The following NSMCE2 variants were observed in gnomAD, a reference collection of about 807,000 sequenced individuals.
NSMCE2 encodes E3 SUMO-protein ligase NSE2.
Under a neutral mutation model 23.8 loss-of-function variants are expected in NSMCE2, and 24 were observed. That is an observed-to-expected ratio of 1.01 (90% CI 0.73 to 1.42). The LOEUF is 1.42. NSMCE2 is among the 40% of genes most tolerant of loss of function. The probability of loss-of-function intolerance (pLI) is 0.00; values close to 1 mark genes in which losing one functional copy is unlikely to be tolerated. For missense variants in NSMCE2, 284 were observed against 296.5 expected (o/e 0.96, Z 0.31); for synonymous variants, 92 against 94.1 (o/e 0.98, Z 0.13).
intron 5 of NSMCE2, among the ~76,000 whole-genome samples, chr8:125,329,918 T>C (rs1401882402): frequency 1.3e-5 from 2 of 152,126 alleles, no homozygotes; most frequent in African/African-American, 4.8e-5. Context: ...GGTGATACCA[T>C]GTAGTAAGAC....
At chr8:125,334,913 A>C (rs1282690190) in intron 5 of NSMCE2, among the ~76,000 whole-genome samples, 2 of 145,556 alleles carry the variant, frequency 1.4e-5, no homozygotes, top group Non-Finnish European at 3.0e-5. Context: ...ACACCACCAC[A>C]CCCGGCTAAT....
At chr8:125,185,067 A>G (rs1227398141) in intron 5 of NSMCE2, among the ~76,000 whole-genome samples, 1 of 152,212 alleles carries the variant, frequency 6.6e-6, no homozygotes, top group Non-Finnish European at 1.5e-5. Context: ...ATATAAGAAC[A>G]TAAATACATG....
intron 3 of NSMCE2, among the ~76,000 whole-genome samples, chr8:125,102,990 G>A (rs1472320919): frequency 6.6e-6 from 1 of 152,088 alleles, no homozygotes; most frequent in Middle Eastern, 3.2e-3. Flanking sequence ...TTTGCAGGCC[G>A]GGTGCAGTGG....
intron 3 of NSMCE2, among the ~76,000 whole-genome samples, chr8:125,107,047 TGTTA>T (rs1216459674): frequency 6.6e-6 from 1 of 152,020 alleles, no homozygotes; most frequent in African/African-American, 2.4e-5. Flanking sequence ...CAACAAATGC[TGTTA>T]GTTGTTGTCT....
At chr8:125,357,445 G>A (rs1813330563) in intron 6 of NSMCE2, 126 bp downstream of exon 6, 2 of 715,562 alleles carry the variant, frequency 2.8e-6, no homozygotes, top group African/African-American at 3.6e-5. Flanking sequence ...AAAGTGCTGG[G>A]GGTTGAAGAG....
intron 5 of NSMCE2, among the ~76,000 whole-genome samples, chr8:125,269,621 A>G (rs549849329): frequency 6.6e-6 from 1 of 152,224 alleles, no homozygotes; most frequent in Non-Finnish European, 1.5e-5. Flanking sequence ...GCTTTCTACA[A>G]GATCATTAAG....
intron 5 of NSMCE2, among the ~76,000 whole-genome samples, chr8:125,315,072 CATGT>C: frequency 1.3e-5 from 2 of 152,160 alleles, no homozygotes; most frequent in Middle Eastern, 3.4e-3. Context: ...CCCTGCAGAG[CATGT>C]TTTCTTCATC....
chr8:125,304,104 C>T (rs373906029), intron 5 of NSMCE2, among the ~76,000 whole-genome samples: 3 of 152,136 alleles, frequency 2.0e-5, no homozygotes, highest in South Asian at 4.1e-4. Flanking sequence ...TAAAGTCAAA[C>T]GTGGCTGTGA....
chr8:125,142,084 A>T (rs1820402685), intron 3 of NSMCE2, among the ~76,000 whole-genome samples: 2 of 152,140 alleles, frequency 1.3e-5, no homozygotes, highest in Admixed American at 6.5e-5. Context: ...TTTGGTTCCA[A>T]AGGCAAAGTG....
intron 3 of NSMCE2, among the ~76,000 whole-genome samples, chr8:125,121,768 C>A (rs1214201408): frequency 1.3e-5 from 2 of 152,082 alleles, no homozygotes; most frequent in Non-Finnish European, 2.9e-5. Context: ...TCATTTAATC[C>A]TTACAGAAAT....
intron 5 of NSMCE2, among the ~76,000 whole-genome samples, chr8:125,285,701 T>C (rs1037865231): frequency 6.6e-6 from 1 of 152,068 alleles, no homozygotes; most frequent in African/African-American, 2.4e-5. Flanking sequence ...AGACCCAATA[T>C]AATAGCTAGC....
chr8:125,233,899 G>A (rs532200402), intron 5 of NSMCE2, among the ~76,000 whole-genome samples: 80 of 151,834 alleles, frequency 5.3e-4, no homozygotes, highest in African/African-American at 1.8e-3. Flanking sequence ...ATCTCTGACC[G>A]GGCATGGTGG....
chr8:125,285,766 A>G (rs1482439790), intron 5 of NSMCE2, among the ~76,000 whole-genome samples: 7 of 152,000 alleles, frequency 4.6e-5, no homozygotes, highest in Non-Finnish European at 7.4e-5. Context: ...GCACACACAC[A>G]CACACACACA....
At chr8:125,338,770 A>G (rs146004406) in intron 5 of NSMCE2, among the ~76,000 whole-genome samples, 1 of 152,330 alleles carries the variant, frequency 6.6e-6, no homozygotes, top group African/African-American at 2.4e-5. Context: ...TATAAATGAA[A>G]TTTATTCTAG....
At chr8:125,252,836 GT>G (rs1277726250) in intron 5 of NSMCE2, among the ~76,000 whole-genome samples, 2 of 152,262 alleles carry the variant, frequency 1.3e-5, no homozygotes, top group Non-Finnish European at 2.9e-5. Flanking sequence ...TAGATGGGTA[GT>G]TCCGGAGTTA....
chr8:125,198,354 T>A (rs572547621), intron 5 of NSMCE2, among the ~76,000 whole-genome samples: 1 of 152,216 alleles, frequency 6.6e-6, no homozygotes, highest in African/African-American at 2.4e-5. Flanking sequence ...TATTTTGAGA[T>A]ATGTTGCATC....
At position 125,349,048 on chromosome 8, in the gene NSMCE2, C is replaced by G. The variant is rs1812914006; in HGVS notation, c.419-8171C>G. Among the ~76,000 whole-genome samples the G allele has an allele frequency of 2.0e-5, 3 of 149,902 alleles. No homozygotes were observed. The South Asian group carries it at 6.3e-4, about 32-fold the overall frequency. ...ACACACACACACACACACACACACA[C>G]ACACACACACACACAGAGCTCTTAA... is the stretch of plus-strand genomic sequence containing the variant. On this transcript the variant is annotated intron_variant, in intron 5 of 7. Coordinates refer to ENST00000287437, the MANE Select transcript of NSMCE2 (RefSeq NM_173685.4).
intron 7 of NSMCE2, among the ~76,000 whole-genome samples, chr8:125,361,934 G>A (rs935514017): frequency 4.6e-5 from 7 of 152,170 alleles, no homozygotes; most frequent in African/African-American, 1.7e-4. Flanking sequence ...CCAGATCCAG[G>A]AACTCCCAGA....
intron 3 of NSMCE2, among the ~76,000 whole-genome samples, chr8:125,132,316 T>G (rs1426069212): frequency 6.6e-6 from 1 of 152,164 alleles, no homozygotes; most frequent in African/African-American, 2.4e-5. Flanking sequence ...TGGCCAGGCT[T>G]AGGCAATTCT....
Sources: allele counts gnomAD v4.1 joint callset (sites outside exome capture counted in the v4.1 genomes callset), GRCh38; gene constraint gnomAD v4.1.1; transcripts MANE v1.5; gene names NCBI Gene and HGNC (gene_info 2026-07-23, HGNC 2026-07-21).